SMAD9: variants seen among roughly 807,000 people sequenced by gnomAD.
SMAD9 encodes the protein SMAD family member 9.
SMAD9 carries 36 observed loss-of-function variants against 46.1 expected under a neutral mutation model. That is an observed-to-expected ratio of 0.78 (90% confidence interval 0.60 to 1.03). SMAD9 has a LOEUF of 1.03. SMAD9 is among the 50% of genes least tolerant of loss of function. The pLI is 0.00. For missense variants in SMAD9, 572 were observed against 599.8 expected (o/e 0.95, Z 0.48); for synonymous variants, 245 against 237.1 (o/e 1.03, Z -0.31).
At chr13:36,853,935 G>T (rs148865268) in intron 5 of SMAD9, among the ~76,000 whole-genome samples, 93 of 152,318 alleles carry the variant, frequency 6.1e-4, no homozygotes, top group African/African-American at 2.1e-3. Flanking sequence ...GACGTGGGCA[G>T]ATCATTTGAG....
chr13:36,882,214 T>C (rs1381509004), intron 1 of SMAD9, among the ~76,000 whole-genome samples: 1 of 144,132 alleles, frequency 6.9e-6, no homozygotes, highest in Non-Finnish European at 1.5e-5. Flanking sequence ...AAATTTTCAT[T>C]CACAGGTATG....
chr13:36,909,849 T>G (rs1347224701), intron 1 of SMAD9, among the ~76,000 whole-genome samples: 1 of 152,184 alleles, frequency 6.6e-6, no homozygotes, highest in Non-Finnish European at 1.5e-5. Context: ...GGAGGTATAC[T>G]TCTGTTTATT....
intron 1 of SMAD9, among the ~76,000 whole-genome samples, chr13:36,900,684 TACACACACACACACACACACACACAC>T (rs58756918): frequency 7.0e-6 from 1 of 142,790 alleles, no homozygotes; most frequent in Non-Finnish European, 1.5e-5. Flanking sequence ...TCATTATGAC[TACACACACACACACACACACACACAC>T]ACACACACAC....
At chr13:36,919,409 C>G (rs1207370950) in intron 1 of SMAD9, among the ~76,000 whole-genome samples, 1 of 152,154 alleles carries the variant, frequency 6.6e-6, no homozygotes, top group African/African-American at 2.4e-5. Context: ...CACCCCGGCT[C>G]CGACACAGTC....
chr13:36,852,287 G>C, intron 6 of SMAD9: 4 of 984,434 alleles, frequency 4.1e-6, no homozygotes, highest in Non-Finnish European at 4.8e-6. Flanking sequence ...AAAAATGCCT[G>C]GAACAAGCCA....
At position 36,879,621 on chromosome 13, in the gene SMAD9, G is replaced by T. The variant is rs2058384013; in HGVS notation, c.69C>A (p.Gly23=). 1.2e-6 allele frequency: 2 copies of T among 1,614,214 alleles called. No individual in the cohort carries two copies. Among genetic ancestry groups the T allele is most frequent in the South Asian group, 2.2e-5 (2 of 91,084 alleles). The change falls in exon 2 of 7, where the codon GGC becomes GGA. Residue 23 remains glycine, a synonymous_variant. Coordinates refer to ENST00000379826, the MANE Select transcript of SMAD9 (RefSeq NM_001127217.3). ...TTTCCTCTTCATCTCCTTGCTTCCA[G>T]CCTAGCAGTCTCTTCACTGCGGGGC... ...FTSPAVKRLL[G]WKQGDEEEKW...
At chr13:36,911,093 C>T (rs983492823) in intron 1 of SMAD9, among the ~76,000 whole-genome samples, 3 of 152,144 alleles carry the variant, frequency 2.0e-5, no homozygotes, top group African/African-American at 7.2e-5. Context: ...GCAGCCTCAA[C>T]CTGCCAGGCT....
intron 5 of SMAD9, among the ~76,000 whole-genome samples, chr13:36,862,327 A>G (rs1226439651): frequency 6.6e-6 from 1 of 152,208 alleles, no homozygotes; most frequent in African/African-American, 2.4e-5. Flanking sequence ...GGTAAAACAG[A>G]GTGCCATAAA....
At chr13:36,883,808 T>A (rs1384867921) in intron 1 of SMAD9, among the ~76,000 whole-genome samples, 5 of 152,170 alleles carry the variant, frequency 3.3e-5, no homozygotes, top group Non-Finnish European at 7.3e-5. Context: ...TTAGGATAAT[T>A]TTCCAAGATT....
In SMAD9 at chr13:36,865,672, G is replaced by A. The variant is rs138665617; in HGVS notation, c.868C>T (p.Gln290Ter). Reference sequence around the variant, plus strand: ...ATGAGCACACTTCGGGAGGAAGCCTGGAATGTCTCCCCAACTCGGTTGTTC... The same window carrying A: ...ATGAGCACACTTCGGGAGGAAGCCTAGAATGTCTCCCCAACTCGGTTGTTC... ...ELNNRVGETF[Q>*]ASSRSVLIDG... The change falls in exon 5 of 7, where the codon CAG becomes TAG. Residue 290 changes from glutamine to a stop codon, truncating the protein, a stop_gained. Coordinates refer to ENST00000379826, the MANE Select transcript of SMAD9 (RefSeq NM_001127217.3). LOFTEE classifies it high-confidence loss of function. 1 of 1,613,992 alleles carries A rather than the reference G, an allele frequency of 6.2e-7. No individual in the cohort carries two copies. Among genetic ancestry groups the A allele is most frequent in the African/African-American group, 1.3e-5 (1 of 74,910 alleles).
chr13:36,912,560 T>G (rs1270352269), intron 1 of SMAD9, among the ~76,000 whole-genome samples: 1 of 152,104 alleles, frequency 6.6e-6, no homozygotes, highest in Non-Finnish European at 1.5e-5. Context: ...GGGTGGGGTT[T>G]CCTATAGGAC....
intron 1 of SMAD9, among the ~76,000 whole-genome samples, chr13:36,914,292 G>T (rs569951390): frequency 6.6e-6 from 1 of 152,164 alleles, no homozygotes; most frequent in South Asian, 2.1e-4. Flanking sequence ...GGCCGAGGCC[G>T]GCGGATCATG....
intron 1 of SMAD9, among the ~76,000 whole-genome samples, chr13:36,906,019 G>A (rs768225563): frequency 7.2e-5 from 11 of 152,042 alleles, no homozygotes; most frequent in Non-Finnish European, 1.2e-4. Flanking sequence ...TAAATCAAAC[G>A]AAAGTTTTAA....
intron 1 of SMAD9, among the ~76,000 whole-genome samples, chr13:36,902,056 C>A (rs928035573): frequency 6.6e-6 from 1 of 151,872 alleles, no homozygotes; most frequent in East Asian, 1.9e-4. Flanking sequence ...GAATCTATTG[C>A]CAAATTCAAG....
intron 1 of SMAD9, 32 bp from the exon 2 acceptor site, chr13:36,879,907 A>G: frequency 1.7e-6 from 1 of 583,168 alleles, no homozygotes; most frequent in Non-Finnish European, 3.1e-6. Context: ...CAATTAGCTT[A>G]ATCGGAGTAA....
At chr13:36,896,735 G>A (rs933828443) in intron 1 of SMAD9, among the ~76,000 whole-genome samples, 1 of 149,232 alleles carries the variant, frequency 6.7e-6, no homozygotes, top group Non-Finnish European at 1.5e-5. Flanking sequence ...TATCCACCCA[G>A]AGAAACCAAT....
At chr13:36,867,504 A>G (rs1318751182) in intron 3 of SMAD9, 121 bp from the exon 4 acceptor site, 3 of 595,096 alleles carry the variant, frequency 5.0e-6, no homozygotes, top group African/African-American at 3.7e-5. Context: ...TCCTACAGAG[A>G]GACCATATTA....
intron 1 of SMAD9, among the ~76,000 whole-genome samples, chr13:36,918,468 A>G (rs1036227279): frequency 1.1e-4 from 17 of 152,240 alleles, no homozygotes; most frequent in African/African-American, 3.9e-4. Context: ...TGTCTGGCAG[A>G]CAGCTGTCTT....
chr13:36,868,225 A>T (rs1219267118), intron 3 of SMAD9, among the ~76,000 whole-genome samples: 2 of 152,218 alleles, frequency 1.3e-5, no homozygotes, highest in Admixed American at 1.3e-4. Flanking sequence ...CCCCATCCTT[A>T]GCAATTCCGA....
Sources: gnomAD v4.1 joint callset for allele counts (sites outside exome capture counted in the v4.1 genomes callset) on GRCh38, gnomAD v4.1.1 for gene constraint, MANE v1.5 for transcripts, NCBI Gene and HGNC (gene_info 2026-07-23, HGNC 2026-07-21) for gene names.